Variants in ILDR2 observed in about 807,000 individuals in gnomAD.
ILDR2 encodes the protein immunoglobulin like domain containing receptor 2.
Under a neutral mutation model 66.8 loss-of-function variants are expected in ILDR2, and 25 were observed. The observed-to-expected ratio is 0.37, with a 90% CI of 0.27 to 0.52. The LOEUF (loss-of-function observed/expected upper bound fraction) is 0.52. Ranked by LOEUF, ILDR2 falls within the 20% of genes least tolerant of loss-of-function variation. ILDR2 has a pLI of 0.88. For synonymous variants in ILDR2, 367 were observed against 357.2 expected (o/e 1.03, Z -0.31); for missense variants, 827 against 876.8 (o/e 0.94, Z 0.72).
At chr1:166,953,342 A>C (rs1662097272) in intron 3 of ILDR2, among the ~76,000 whole-genome samples, 1 of 152,200 alleles carries the variant, frequency 6.6e-6, no homozygotes, top group Non-Finnish European at 1.5e-5. Flanking sequence ...CTTGCATATA[A>C]GATACTTCAC....
rs1206199279 is a variant in ILDR2 at position 166,916,798 on chromosome 1, TTG to T, written c.*2555_*2556del. On this transcript the variant is annotated 3_prime_UTR_variant, in exon 10 of 10. Transcript: ENST00000271417. ...ACTTTTCAGTCTATCTGTAGTTTTGTTGTCTTTGGAATTGCAGGTTTCCAATT... is the reference window on the plus strand; with the variant it reads ...ACTTTTCAGTCTATCTGTAGTTTTGTTCTTTGGAATTGCAGGTTTCCAATT... 1 of 152,272 alleles carries T rather than the reference TTG, an allele frequency of 6.6e-6. No homozygotes were observed. Among genetic ancestry groups the T allele is most frequent in the Non-Finnish European group, 1.5e-5 (1 of 68,050 alleles). The allele number at this position is 152,272 out of a possible 1,614,324, so 9.4% of individuals were successfully genotyped here. A position where few individuals can be genotyped will look rare whatever the true frequency, so the allele number is the denominator to read the frequency against.
chr1:166,949,634 T>A (rs1661850629), intron 3 of ILDR2, among the ~76,000 whole-genome samples: 2 of 152,160 alleles, frequency 1.3e-5, no homozygotes, highest in South Asian at 4.1e-4. Context: ...AAAGGCATGA[T>A]CCCACATCTT....
At position 166,936,638 on chromosome 1, in the gene ILDR2, T is replaced by C; in HGVS notation, c.656A>G (p.Tyr219Cys). Reference sequence around the variant, plus strand: ...ATCTGGGCAGCATGGGCAGCGGACATAGCAGCAGCAGCTGTGAGGGCAGCA... The same window carrying C: ...ATCTGGGCAGCATGGGCAGCGGACACAGCAGCAGCAGCTGTGAGGGCAGCA... ...CQCCPHSCCCYVRCPCCPDSC... is the reference protein window; with the variant it reads ...CQCCPHSCCCCVRCPCCPDSC... Residue 219 changes from tyrosine (Y) to cysteine (C), a missense_variant, in exon 5 of 10, where the codon TAT (tyrosine) becomes TGT (cysteine). Coordinates refer to ENST00000271417, the MANE Select transcript of ILDR2 (RefSeq NM_199351.3). The surrounding 1 kb of genome is among the most constrained non-coding windows in gnomAD (Gnocchi z 5.0). 6.2e-7 allele frequency: 1 copy of C among 1,613,764 alleles called. No homozygotes were observed. The highest frequency in any genetic ancestry group is 8.5e-7 in the Non-Finnish European group (1 of 1,179,792).
chr1:166,898,762 AC>A (rs1258187178), intron 2 of ILDR2, among the ~76,000 whole-genome samples: 1 of 152,166 alleles, frequency 6.6e-6, no homozygotes, highest in African/African-American at 2.4e-5. Context: ...TGTTAAGGAA[AC>A]AAAGACAAAA....
rs564187097 is a variant in ILDR2 at position 166,918,929 on chromosome 1, G to C, written c.*426C>G. The C allele has an allele frequency of 1.4e-3, 376 of 272,010 alleles. No homozygotes were observed. The highest frequency in any genetic ancestry group is 2.2e-3 in the Non-Finnish European group (318 of 146,288). The allele number at this position is 272,010 out of a possible 1,614,324, so 16.8% of individuals were successfully genotyped here. On this transcript the variant is annotated 3_prime_UTR_variant, in exon 10 of 10. Transcript: ENST00000271417. ...CTTGTCAGAAGAAGGCCTTCTAATA[G>C]TAGTAATAAATTCTTCTGTCTCTAA...
In ILDR2 at chr1:166,914,790, C is replaced by T. The variant is rs1275318844; in HGVS notation, c.*4565G>A. Reference sequence around the variant, plus strand: ...TCCTTCTAGGACTTTATGTAGCTGGCCCCCTATTTTAGTGAATTTGGATTT... The same window carrying T: ...TCCTTCTAGGACTTTATGTAGCTGGTCCCCTATTTTAGTGAATTTGGATTT... On this transcript the variant is annotated 3_prime_UTR_variant, in exon 10 of 10. Transcript: ENST00000271417. The T allele has an allele frequency of 6.6e-6, 1 of 152,100 alleles. No individual in the cohort carries two copies. Among genetic ancestry groups the T allele is most frequent in the Admixed American group, 6.5e-5 (1 of 15,274 alleles). The allele number at this position is 152,100 out of a possible 1,614,324, so 9.4% of individuals were successfully genotyped here. A position where few individuals can be genotyped will look rare whatever the true frequency, so the allele number is the denominator to read the frequency against.
intron 6 of ILDR2, among the ~76,000 whole-genome samples, chr1:166,933,292 A>C (rs962545234): frequency 4.6e-5 from 7 of 152,260 alleles, no homozygotes; most frequent in African/African-American, 1.7e-4. Context: ...TCTTGAGAAA[A>C]GTGATACAAG....
At chr1:166,965,565 GTTTTGTTTTTTT>G (rs1228174578) in intron 1 of ILDR2, among the ~76,000 whole-genome samples, 15 of 103,130 alleles carry the variant, frequency 1.5e-4, no homozygotes, top group Admixed American at 1.1e-3. Context: ...TTCAAGTTAG[GTTTTGTTTTTTT>G]TTTTGTTTTT....
At position 166,920,708 on chromosome 1, in the gene ILDR2, GT is replaced by G; in HGVS notation, c.1882del (p.Thr628ProfsTer35). The G allele has an allele frequency of 7.1e-7, 1 of 1,410,236 alleles. No homozygotes were observed. Among genetic ancestry groups the G allele is most frequent in the Non-Finnish European group, 9.3e-7 (1 of 1,077,532 alleles). 87.4% of individuals were successfully genotyped at this position (1,410,236 alleles called of 1,614,324 possible). The stretch of plus-strand genomic sequence containing the variant: ...GAGGGGAGGCAGACGCAGTCTCACG[GT>G]TTTCTTGGCGGGCTCCTTTTTCCTC... The part of the protein sequence containing the change: ...KKRKKEPAKK[T>X]NDFPTRMSLV... On this transcript the variant is annotated frameshift_variant and splice_region_variant, in exon 9 of 10. Coordinates refer to ENST00000271417, the MANE Select transcript of ILDR2 (RefSeq NM_199351.3). LOFTEE classifies it high-confidence loss of function.
At position 166,921,127 on chromosome 1, in the gene ILDR2, C is replaced by G. The variant is rs1399430039; in HGVS notation, c.1464G>C (p.Leu488=). 2.2e-5 allele frequency: 33 copies of G among 1,529,698 alleles called. No homozygotes were observed. The highest frequency in any genetic ancestry group is 1.7e-5 in the Non-Finnish European group (19 of 1,143,932). 94.8% of individuals were successfully genotyped at this position (1,529,698 alleles called of 1,614,324 possible). ...AGGCCCAGCCGCGGTCAGCATCGGTCAGGGGCTCGCGGCTGCGGCTGCGCT... is the reference window on the plus strand; with the variant it reads ...AGGCCCAGCCGCGGTCAGCATCGGTGAGGGGCTCGCGGCTGCGGCTGCGCT... ...YGQRSRSREP[L]TDADRGWAFS... The change falls in exon 9 of 10, where the codon CTG becomes CTC. Residue 488 remains leucine, a synonymous_variant. Coordinates refer to ENST00000271417, the MANE Select transcript of ILDR2 (RefSeq NM_199351.3). The surrounding 1 kb of genome is among the most constrained non-coding windows in gnomAD (Gnocchi z 5.3).
At chr1:166,925,567 C>T (rs541017059) in intron 7 of ILDR2, among the ~76,000 whole-genome samples, 2 of 152,228 alleles carry the variant, frequency 1.3e-5, no homozygotes, top group African/African-American at 2.4e-5. Flanking sequence ...ATCCACATTA[C>T]AGCCATGGAG....
intron 6 of ILDR2, among the ~76,000 whole-genome samples, chr1:166,933,720 G>A (rs969984824): frequency 1.3e-5 from 2 of 152,182 alleles, no homozygotes; most frequent in Admixed American, 1.3e-4. Flanking sequence ...AAGACAAAGA[G>A]TATGAGATAA....
At position 166,909,760 on chromosome 1, in the gene ILDR2, AATATATAT is replaced by A. The variant is rs1392240246; in HGVS notation, c.*9587_*9594del. ...ACATATATATATATATATATATATA[AATATATAT>A]AAATATATATATTTATATATATATA... is the stretch of plus-strand genomic sequence containing the variant. On this transcript the variant is annotated 3_prime_UTR_variant, in exon 10 of 10. Transcript: ENST00000271417. The A allele has an allele frequency of 1.4e-4, 9 of 62,744 alleles. No homozygotes were observed. The highest frequency in any genetic ancestry group is 8.1e-5 in the African/African-American group (1 of 12,360). 3.9% of individuals were successfully genotyped at this position (62,744 alleles called of 1,614,324 possible).
chr1:166,973,623 C>A (rs902259822), intron 1 of ILDR2, among the ~76,000 whole-genome samples: 1 of 136,752 alleles, frequency 7.3e-6, no homozygotes, highest in African/African-American at 2.6e-5. Context: ...CCCCCCCCCC[C>A]CCGATGCCTG....
chr1:166,954,038 T>A (rs1214465092), intron 3 of ILDR2, among the ~76,000 whole-genome samples: 1 of 152,236 alleles, frequency 6.6e-6, no homozygotes. Context: ...CTCTTCTATA[T>A]AATTTCACTT....
chr1:166,973,619 C>G lies in ILDR2; in HGVS notation c.46+1604G>C, dbSNP rs1054730963. Reference sequence around the variant, plus strand: ...CTCTGACTCAGGGACCCCTCCCCCCCCCCCCCGATGCCTGGCTGACTTCAG... The same window carrying G: ...CTCTGACTCAGGGACCCCTCCCCCCGCCCCCCGATGCCTGGCTGACTTCAG... On this transcript the variant is annotated intron_variant, in intron 1 of 9. Transcript: ENST00000271417. Among the ~76,000 whole-genome samples the G allele has an allele frequency of 2.1e-4, 27 of 127,016 alleles. 1 individual carries two copies. Among genetic ancestry groups the G allele is most frequent in the African/African-American group, 6.1e-4 (21 of 34,174 alleles). 83.3% of individuals were successfully genotyped at this position (127,016 alleles called of 152,430 possible). A position where few individuals can be genotyped will look rare whatever the true frequency, so the allele number is the denominator to read the frequency against.
intron 4 of ILDR2, among the ~76,000 whole-genome samples, chr1:166,937,385 A>G (rs1264211420): frequency 4.6e-5 from 7 of 152,188 alleles, no homozygotes; most frequent in Non-Finnish European, 7.3e-5. Flanking sequence ...GCTAGAGAAA[A>G]CTAGAGACGT....
At chr1:166,901,669 C>G (rs1305745423) in intron 2 of ILDR2, among the ~76,000 whole-genome samples, 1 of 152,222 alleles carries the variant, frequency 6.6e-6, no homozygotes, top group African/African-American at 2.4e-5. Flanking sequence ...CATTCTCTCA[C>G]AGGCCAAAAG....
intron 1 of ILDR2, among the ~76,000 whole-genome samples, chr1:166,974,917 G>A (rs1260642774): frequency 6.6e-6 from 1 of 152,094 alleles, no homozygotes; most frequent in African/African-American, 2.4e-5. Flanking sequence ...TTTTATGGAG[G>A]GGAAATGCAT....
Sources: allele counts gnomAD v4.1 joint callset (sites outside exome capture counted in the v4.1 genomes callset), GRCh38; gene constraint gnomAD v4.1.1; non-coding constraint Gnocchi (gnomAD v3.1); transcripts MANE v1.5; gene names NCBI Gene and HGNC (gene_info 2026-07-23, HGNC 2026-07-21).